The following CNTN4 variants were observed in gnomAD, a reference collection of about 807,000 sequenced individuals.
The protein encoded by CNTN4 is contactin-4.
A neutral mutation model predicts 122.5 loss-of-function variants in CNTN4; 77 were observed. That is an observed-to-expected ratio of 0.63 (90% CI 0.52 to 0.76). The LOEUF is 0.76. Among genes scored for constraint, CNTN4 ranks in the 30% least tolerant of loss-of-function variants. The pLI is 0.00. For synonymous variants in CNTN4, 512 were observed against 447.0 expected (o/e 1.15, Z -1.83); for missense variants, 1,256 against 1,259.1 (o/e 1.00, Z 0.04).
chr3:2,925,501 C>T (rs2094465397), intron 12 of CNTN4, 128 bp from the exon 13 acceptor site: 7 of 987,042 alleles, frequency 7.1e-6, no homozygotes, highest in East Asian at 2.6e-5. Flanking sequence ...TGCAGTGAGC[C>T]AAGATTGCAC....
chr3:2,807,409 C>T (rs563582424), intron 6 of CNTN4, among the ~76,000 whole-genome samples: 37 of 151,662 alleles, frequency 2.4e-4, no homozygotes, highest in Admixed American at 3.3e-4. Context: ...TTGAAGTTGC[C>T]GAAGCAACTT....
chr3:2,212,433 C>T (rs1314418941), intron 2 of CNTN4, among the ~76,000 whole-genome samples: 4 of 152,140 alleles, frequency 2.6e-5, no homozygotes, highest in South Asian at 2.1e-4. Context: ...ACCTCACAAT[C>T]GTGGCAGGAG....
chr3:2,411,209 A>C (rs898473472), intron 3 of CNTN4, among the ~76,000 whole-genome samples: 2 of 152,176 alleles, frequency 1.3e-5, no homozygotes, highest in Non-Finnish European at 2.9e-5. Flanking sequence ...CAGGATAAAT[A>C]GCTAATGCAT....
intron 23 of CNTN4, among the ~76,000 whole-genome samples, chr3:3,044,052 C>G (rs1700398626): frequency 6.6e-6 from 1 of 152,108 alleles, no homozygotes; most frequent in Non-Finnish European, 1.5e-5. Flanking sequence ...TTTTAGTCAA[C>G]TTAGTAGCCT....
At chr3:2,270,209 A>G (rs185603188) in intron 2 of CNTN4, among the ~76,000 whole-genome samples, 1,194 of 37,280 alleles carry the variant, frequency 0.032, 253 homozygotes, top group African/African-American at 0.068. Flanking sequence ...TCGGCCTCCC[A>G]AAGTGCTGGG....
rs536569651 is a variant in CNTN4 at position 2,906,463 on chromosome 3, A to G, written c.1207+3458A>G. ...GTAATAGATACAATTGTGTCTGTCA[A>G]TCTAAAAAGTAAAATAATAAAAAAA... On this transcript the variant is annotated intron_variant, in intron 12 of 24. Coordinates refer to ENST00000418658, the MANE Select transcript of CNTN4 (RefSeq NM_175607.3). Among the ~76,000 whole-genome samples, 21 of 150,802 alleles carry G rather than the reference A, an allele frequency of 1.4e-4. 1 individual carries two copies. The highest frequency in any genetic ancestry group is 2.8e-4 in the Non-Finnish European group (19 of 68,024).
At chr3:3,042,477 G>T (rs1005263992) in intron 21 of CNTN4, 55 bp downstream of exon 21, 37 of 1,116,144 alleles carry the variant, frequency 3.3e-5, no homozygotes, top group Non-Finnish European at 4.9e-5. Flanking sequence ...CCCTTGATAA[G>T]TCCTCCAAGT....
chr3:2,707,764 C>T (rs1023698703), intron 4 of CNTN4, among the ~76,000 whole-genome samples: 3 of 152,060 alleles, frequency 2.0e-5, no homozygotes, highest in Non-Finnish European at 4.4e-5. Flanking sequence ...CCCCTTTAGC[C>T]TCCCTAAGTG....
At position 2,845,487 on chromosome 3, in the gene CNTN4, A is replaced by C. The variant is rs150113731; in HGVS notation, c.455-21265A>C. Among the ~76,000 whole-genome samples, 3 of 152,268 alleles carry C rather than the reference A, an allele frequency of 2.0e-5. No individual in the cohort carries two copies. In the East Asian group the frequency reaches 5.8e-4, roughly 29 times the overall value. ...AATATATAAACTATATGTTATGATA[A>C]ATTTCATAAAATGTTTATGACATAC... On this transcript the variant is annotated intron_variant, in intron 7 of 24. Transcript: ENST00000418658.
chr3:2,826,489 G>A (rs973341879), intron 7 of CNTN4, among the ~76,000 whole-genome samples: 1 of 152,184 alleles, frequency 6.6e-6, no homozygotes, highest in African/African-American at 2.4e-5. Flanking sequence ...GGACCATGCT[G>A]TATTTACTGT....
chr3:3,006,545 T>C (rs1696666903), intron 14 of CNTN4, among the ~76,000 whole-genome samples: 1 of 152,236 alleles, frequency 6.6e-6, no homozygotes, highest in South Asian at 2.1e-4. Context: ...GAAAATTTTA[T>C]ATTCAAGCTA....
intron 3 of CNTN4, among the ~76,000 whole-genome samples, chr3:2,512,656 T>C (rs768473763): frequency 3.0e-4 from 45 of 152,122 alleles, no homozygotes; most frequent in Admixed American, 8.5e-4. Context: ...GTTGTAAAAA[T>C]TGAATTTGAA....
chr3:2,675,359 A>G (rs1039655729), intron 4 of CNTN4, among the ~76,000 whole-genome samples: 1 of 152,068 alleles, frequency 6.6e-6, no homozygotes, highest in Non-Finnish European at 1.5e-5. Flanking sequence ...CCAGACTTTA[A>G]CATGCCTGAC....
chr3:2,454,846 C>T (rs1402644208), intron 3 of CNTN4, among the ~76,000 whole-genome samples: 1 of 152,130 alleles, frequency 6.6e-6, no homozygotes, highest in Non-Finnish European at 1.5e-5. Flanking sequence ...CTTTTTCGAT[C>T]ACATTTATCC....
intron 2 of CNTN4, among the ~76,000 whole-genome samples, chr3:2,244,867 C>G (rs1185773083): frequency 6.6e-6 from 1 of 151,906 alleles, no homozygotes; most frequent in Non-Finnish European, 1.5e-5. Context: ...CTGTAATGGT[C>G]TATGAAAATA....
At chr3:2,360,342 C>G (rs1042947401) in intron 3 of CNTN4, among the ~76,000 whole-genome samples, 3 of 151,900 alleles carry the variant, frequency 2.0e-5, no homozygotes, top group African/African-American at 7.3e-5. Flanking sequence ...TTCTGGAATC[C>G]TTAGGGTTTT....
chr3:2,455,535 T>C (rs1191681887), intron 3 of CNTN4, among the ~76,000 whole-genome samples: 1 of 152,012 alleles, frequency 6.6e-6, no homozygotes, highest in African/African-American at 2.4e-5. Flanking sequence ...TTACCGGAAA[T>C]CTCTTCAGCG....
At chr3:2,860,576 T>C (rs1281143904) in intron 7 of CNTN4, among the ~76,000 whole-genome samples, 1 of 152,126 alleles carries the variant, frequency 6.6e-6, no homozygotes, top group African/African-American at 2.4e-5. Context: ...AAATACAAAT[T>C]AGTCTGTCTT....
chr3:2,967,005 G>A (rs1183555096), intron 13 of CNTN4, among the ~76,000 whole-genome samples: 1 of 152,182 alleles, frequency 6.6e-6, no homozygotes, highest in Non-Finnish European at 1.5e-5. Flanking sequence ...CAAGACAGGG[G>A]AATTGCAATA....
Sources: gnomAD v4.1 joint callset for allele counts (sites outside exome capture counted in the v4.1 genomes callset) on GRCh38, gnomAD v4.1.1 for gene constraint, MANE v1.5 for transcripts, NCBI Gene and HGNC (gene_info 2026-07-23, HGNC 2026-07-21) for gene names.